KHDRBS2: variants seen among roughly 807,000 people sequenced by gnomAD.
KHDRBS2 encodes KH RNA binding domain containing, signal transduction associated 2.
A neutral mutation model predicts 44.3 loss-of-function variants in KHDRBS2; 26 were observed. The observed-to-expected ratio is 0.59, with a 90% confidence interval of 0.43 to 0.81. The LOEUF (loss-of-function observed/expected upper bound fraction) is 0.81, where lower values mean the gene tolerates loss of function less well. Ranked by LOEUF, KHDRBS2 falls within the 40% of genes least tolerant of loss-of-function variation. KHDRBS2 has a pLI of 0.00. For missense variants in KHDRBS2, 476 were observed against 433.1 expected (o/e 1.10, Z -0.88); for synonymous variants, 194 against 151.1 (o/e 1.28, Z -2.08).
Position 61,983,860 on chromosome 6 carries a change from C to T in KHDRBS2, c.337-5648G>A, listed in dbSNP as rs372938946. On this transcript the variant is annotated intron_variant, in intron 3 of 8. Transcript: ENST00000281156. ...AATGGAAAACTATAAACCACTCTTA[C>T]GGGTTATTAGATTCTAATCTTTATT... is the stretch of plus-strand genomic sequence containing the variant. Among the ~76,000 whole-genome samples the T allele has an allele frequency of 1.1e-3, 174 of 152,254 alleles. 1 individual carries two copies. Among genetic ancestry groups the T allele is most frequent in the African/African-American group, 3.8e-3 (159 of 41,542 alleles).
intron 1 of KHDRBS2, among the ~76,000 whole-genome samples, chr6:62,263,737 C>A (rs903195991): frequency 6.6e-6 from 1 of 151,726 alleles, no homozygotes; most frequent in African/African-American, 2.4e-5. Context: ...ATTACTACTT[C>A]ATATTCAATA....
At chr6:61,922,175 T>A (rs1430676779) in intron 4 of KHDRBS2, among the ~76,000 whole-genome samples, 1 of 152,016 alleles carries the variant, frequency 6.6e-6, no homozygotes, top group East Asian at 1.9e-4. Flanking sequence ...TGGACCACAT[T>A]TATCTTCCCC....
chr6:61,546,690 G>A, the KHDRBS2 span, among the ~76,000 whole-genome samples: 8 of 152,120 alleles, frequency 5.3e-5, no homozygotes, highest in East Asian at 1.9e-4. Flanking sequence ...TGGTCACAGC[G>A]GTGGTGGGGT....
the KHDRBS2 span, among the ~76,000 whole-genome samples, chr6:61,618,255 T>A: frequency 1.3e-5 from 2 of 152,180 alleles, no homozygotes; most frequent in African/African-American, 4.8e-5. Flanking sequence ...GAAATGACTG[T>A]CTTTTCATGA....
intron 1 of KHDRBS2, among the ~76,000 whole-genome samples, chr6:62,236,898 G>C (rs1271498405): frequency 2.0e-5 from 3 of 151,888 alleles, no homozygotes; most frequent in Non-Finnish European, 4.4e-5. Context: ...TTCATCATTT[G>C]GAATTATCTT....
intron 2 of KHDRBS2, among the ~76,000 whole-genome samples, chr6:62,173,056 A>C (rs1340361795): frequency 1.3e-5 from 2 of 152,018 alleles, no homozygotes; most frequent in Non-Finnish European, 2.9e-5. Flanking sequence ...ACCAACATCA[A>C]AGCTAGCAGA....
At chr6:62,127,272 C>A (rs1809189370) in intron 2 of KHDRBS2, among the ~76,000 whole-genome samples, 1 of 152,034 alleles carries the variant, frequency 6.6e-6, no homozygotes, top group Non-Finnish European at 1.5e-5. Context: ...CTATGTGTTA[C>A]CAATGTTGCT....
At chr6:61,615,233 C>CAAA in the KHDRBS2 span, among the ~76,000 whole-genome samples, 15 of 58,574 alleles carry the variant, frequency 2.6e-4, no homozygotes, top group Non-Finnish European at 3.4e-4. Flanking sequence ...ACTCCATCTC[C>CAAA]AAAAAAAAAA....
intron 1 of KHDRBS2, among the ~76,000 whole-genome samples, chr6:62,247,657 A>G (rs1440413162): frequency 6.6e-6 from 1 of 151,976 alleles, no homozygotes; most frequent in Non-Finnish European, 1.5e-5. Context: ...CACATCTTTC[A>G]TTTGTAAAAG....
intron 4 of KHDRBS2, among the ~76,000 whole-genome samples, chr6:61,926,137 C>G (rs1331938992): frequency 6.6e-6 from 1 of 151,920 alleles, no homozygotes; most frequent in Non-Finnish European, 1.5e-5. Flanking sequence ...CATGGAGGAG[C>G]CATAGTAGAG....
chr6:61,754,015 G>A (rs1198411900), intron 6 of KHDRBS2, among the ~76,000 whole-genome samples: 3 of 152,096 alleles, frequency 2.0e-5, no homozygotes, highest in East Asian at 3.9e-4. Flanking sequence ...AAGAAACAAG[G>A]AAGGATTCTC....
At chr6:61,723,742 T>A (rs1186339209) in intron 7 of KHDRBS2, among the ~76,000 whole-genome samples, 2 of 152,060 alleles carry the variant, frequency 1.3e-5, no homozygotes, top group Admixed American at 1.3e-4. Flanking sequence ...AGACTATCTT[T>A]TGAAATAAGA....
At chr6:62,212,128 T>C (rs1829161336) in intron 1 of KHDRBS2, among the ~76,000 whole-genome samples, 1 of 152,140 alleles carries the variant, frequency 6.6e-6, no homozygotes. Flanking sequence ...CTAAACTCTG[T>C]GCTCTGTGTG....
At position 61,992,816 on chromosome 6, in the gene KHDRBS2, T is replaced by A. The variant is rs1005448399; in HGVS notation, c.337-14604A>T. On this transcript the variant is annotated intron_variant, in intron 3 of 8. Transcript: ENST00000281156. ...GAATGAAGGACACAGAAATTTGACC[T>A]CTTAAATATTGCAACGTCTTATCAA... 3.9e-5 allele frequency among the ~76,000 whole-genome samples: 6 copies of A among 152,204 alleles called. No individual in the cohort carries two copies. In the South Asian group the frequency reaches 8.3e-4, roughly 21 times the overall value.
At position 62,179,722 on chromosome 6, in the gene KHDRBS2, C is replaced by T. The variant is rs957740987; in HGVS notation, c.92-2410G>A. Among the ~76,000 whole-genome samples the T allele has an allele frequency of 4.6e-5, 7 of 151,706 alleles. No homozygotes were observed. In the Admixed American group the frequency reaches 4.6e-4, roughly 10 times the overall value. ...TTATTTGTCAACCACAAAACTACTA[C>T]CTTAGGCTTTTTTAGACATCTGCAA... On this transcript the variant is annotated intron_variant, in intron 1 of 8. Transcript: ENST00000281156.
the KHDRBS2 span, among the ~76,000 whole-genome samples, chr6:61,663,750 A>C: frequency 6.6e-6 from 1 of 151,146 alleles, no homozygotes; most frequent in Non-Finnish European, 1.5e-5. Flanking sequence ...CTGTTCAATT[A>C]ATGTTTATGT....
At chr6:62,048,047 T>A in intron 2 of KHDRBS2, 53 bp from the exon 3 acceptor site, 1 of 1,035,894 alleles carries the variant, frequency 9.7e-7, no homozygotes, top group Non-Finnish European at 1.5e-6. Flanking sequence ...AAAGTGATTA[T>A]TTGCACCAAG....
intron 3 of KHDRBS2, among the ~76,000 whole-genome samples, chr6:62,013,478 A>G (rs1780662194): frequency 9.1e-6 from 1 of 110,446 alleles, no homozygotes; most frequent in Non-Finnish European, 1.8e-5. Context: ...TTCATTTAAA[A>G]TAATAGAATT....
chr6:61,770,478 G>A (rs1420173347), intron 6 of KHDRBS2, among the ~76,000 whole-genome samples: 1 of 152,142 alleles, frequency 6.6e-6, no homozygotes, highest in African/African-American at 2.4e-5. Flanking sequence ...AACCAATGCA[G>A]AGAAGTACTT....
Sources: allele counts gnomAD v4.1 joint callset (sites outside exome capture counted in the v4.1 genomes callset), GRCh38; gene constraint gnomAD v4.1.1; transcripts MANE v1.5; gene names NCBI Gene and HGNC (gene_info 2026-07-23, HGNC 2026-07-21).